The following ZNF83 variants were observed in gnomAD, a reference collection of about 807,000 sequenced individuals.
The protein encoded by ZNF83 is zinc finger protein 816B.
For synonymous variants in ZNF83, 209 were observed against 213.0 expected, an observed-to-expected ratio of 0.98 and a Z score of 0.17; for missense variants, 552 against 629.9, an observed-to-expected ratio of 0.88 and a Z score of 1.32.
At chr19:52,631,017 A>T (rs2147159781) in intron 2 of ZNF83, among the ~76,000 whole-genome samples, 1 of 147,676 alleles carries the variant, frequency 6.8e-6, no homozygotes, top group South Asian at 2.2e-4. Flanking sequence ...TCTGTTCTGG[A>T]TCTCACACAT....
chr19:52,638,673 A>C (rs575126481), upstream of ZNF83, among the ~76,000 whole-genome samples: 1 of 152,248 alleles, frequency 6.6e-6, no homozygotes, highest in Non-Finnish European at 1.5e-5. Context: ...TTTCATGCTG[A>C]TAGCCCACAG....
chr19:52,677,457 G>T (rs2061835459), intron 1 of ZNF83, among the ~76,000 whole-genome samples: 1 of 151,870 alleles, frequency 6.6e-6, no homozygotes, highest in Non-Finnish European at 1.5e-5. Flanking sequence ...CTTCACACCA[G>T]CATGGGTGAC....
chr19:52,613,808 T>A, exon 3 of ZNF83: 1 of 1,614,006 alleles, frequency 6.2e-7, no homozygotes, highest in Middle Eastern at 1.7e-4. Flanking sequence ...GTATGAATGA[T>A]CAGATGTTGT....
chr19:52,648,352 C>G (rs1316569006), intron 3 of ZNF83, among the ~76,000 whole-genome samples: 1 of 152,034 alleles, frequency 6.6e-6, no homozygotes, highest in Non-Finnish European at 1.5e-5. Flanking sequence ...TTCTGCTTAG[C>G]AGCTCACTTC....
intron 1 of ZNF83, among the ~76,000 whole-genome samples, chr19:52,677,549 TTTTACGTCTCTTAAA>T (rs1236525577): frequency 1.3e-5 from 2 of 151,512 alleles, no homozygotes; most frequent in Non-Finnish European, 2.9e-5. Context: ...GTAAAAGCAG[TTTTACGTCTCTTAAA>T]TTAAATGGCC....
At chr19:52,614,404 G>A in exon 3 of ZNF83, 2 of 1,613,458 alleles carry the variant, frequency 1.2e-6, no homozygotes, top group Non-Finnish European at 1.7e-6. Context: ...TTGGGGTGGG[G>A]AAACTAAGGA....
At chr19:52,651,701 A>G (rs1600229889) in intron 3 of ZNF83, 1 of 151,194 alleles carries the variant, frequency 6.6e-6, no homozygotes, top group South Asian at 2.0e-4. Flanking sequence ...AAAAAAAAAA[A>G]AAGAAAGAAA....
intron 1 of ZNF83, among the ~76,000 whole-genome samples, chr19:52,680,892 G>T (rs374820226): frequency 6.6e-6 from 1 of 151,652 alleles, no homozygotes. Context: ...GATTACAGGC[G>T]TGAGCCACCG....
rs2061491856 is a variant in ZNF83 at position 52,655,348 on chromosome 19, T to G, written c.-74+213A>C. On this transcript the variant is annotated intron_variant, in intron 3 of 5. Transcript: ENST00000594682. ...TGACGTTCAATTCTATTAGTCAAAG[T>G]GTTCATGAATGTTCTGTTTTTATGT... 5 of 456,286 alleles carry G rather than the reference T, an allele frequency of 1.1e-5. No individual in the cohort carries two copies. The South Asian group carries it at 1.5e-4, about 14-fold the overall frequency. The allele number at this position is 456,286 out of a possible 1,614,324, so 28.3% of individuals were successfully genotyped here.
At chr19:52,620,268 C>CTGTGTGTGTGTGTGTG (rs1346555908) in intron 2 of ZNF83, among the ~76,000 whole-genome samples, 1 of 121,246 alleles carries the variant, frequency 8.2e-6, no homozygotes, top group African/African-American at 3.2e-5. Flanking sequence ...GTGTGTATAT[C>CTGTGTGTGTGTGTGTG]TCTGTGTGTG....
At chr19:52,667,263 T>C (rs2061667363) in intron 1 of ZNF83, among the ~76,000 whole-genome samples, 1 of 150,612 alleles carries the variant, frequency 6.6e-6, no homozygotes, top group Non-Finnish European at 1.5e-5. Flanking sequence ...AGAATTTATG[T>C]AAAAAGAATG....
chr19:52,613,148 T>G, exon 3 of ZNF83: 1 of 1,613,696 alleles, frequency 6.2e-7, no homozygotes, highest in South Asian at 1.1e-5. Flanking sequence ...TGATGATTAG[T>G]GAGGCTTGAA....
At chr19:52,659,080 C>T (rs1308898158) in intron 2 of ZNF83, among the ~76,000 whole-genome samples, 1 of 152,172 alleles carries the variant, frequency 6.6e-6, no homozygotes, top group South Asian at 2.1e-4. Context: ...GGGCCAGGGT[C>T]CGTGGGCAGA....
chr19:52,669,126 A>C (rs1478126954), intron 1 of ZNF83, among the ~76,000 whole-genome samples: 1 of 152,168 alleles, frequency 6.6e-6, no homozygotes, highest in Non-Finnish European at 1.5e-5. Context: ...CCTTTACTGG[A>C]CACTTTACTG....
intron 1 of ZNF83, among the ~76,000 whole-genome samples, chr19:52,669,433 C>T (rs1293258378): frequency 6.6e-6 from 1 of 152,178 alleles, no homozygotes; most frequent in Non-Finnish European, 1.5e-5. Context: ...ATTAATTACA[C>T]TAGAGATGCT....
At chr19:52,639,713 T>C (rs2061270874), upstream of ZNF83, among the ~76,000 whole-genome samples, 1 of 152,068 alleles carries the variant, frequency 6.6e-6, no homozygotes, top group Non-Finnish European at 1.5e-5. Flanking sequence ...CCACACTTCC[T>C]GGCCCAAAAA....
At chr19:52,673,554 T>C (rs891039580) in intron 1 of ZNF83, among the ~76,000 whole-genome samples, 2 of 151,964 alleles carry the variant, frequency 1.3e-5, no homozygotes, top group Non-Finnish European at 2.9e-5. Flanking sequence ...AAAAAAAATA[T>C]AGAAAGTCAC....
In ZNF83 at chr19:52,637,660, GCCGACACAAT is replaced by G. The variant is rs1426699626; in HGVS notation, c.-322+642_-322+651del. Among the ~76,000 whole-genome samples, 26 of 152,036 alleles carry G rather than the reference GCCGACACAAT, an allele frequency of 1.7e-4. No homozygotes were observed. In the East Asian group the frequency reaches 5.0e-3, roughly 29 times the overall value. On this transcript the variant is annotated intron_variant, in intron 1 of 2. Transcript: ENST00000301096. The stretch of plus-strand genomic sequence containing the variant: ...ACTGCTCTGTCTCCCAATGCCTTTG[GCCGACACAAT>G]CACAGGAGGGTTTGGATAAGACGCC...
chr19:52,666,496 G>C (rs140403968), intron 1 of ZNF83, among the ~76,000 whole-genome samples: 1 of 151,786 alleles, frequency 6.6e-6, no homozygotes, highest in Non-Finnish European at 1.5e-5. Flanking sequence ...AGTAAACCGC[G>C]GATGGCCCAA....
Sources: gnomAD v4.1 joint callset for allele counts (sites outside exome capture counted in the v4.1 genomes callset) on GRCh38, gnomAD v4.1.1 for gene constraint, MANE v1.5 for transcripts, NCBI Gene and HGNC (gene_info 2026-07-23, HGNC 2026-07-21) for gene names.